PKD1L3: variants seen among roughly 807,000 people sequenced by gnomAD.
PKD1L3 encodes the protein polycystin 1 like 3, transient receptor potential channel interacting, also known as polycystin-1-like protein 3.
In PKD1L3, 239 loss-of-function variants were observed where a neutral mutation model predicts 184.1. That is an observed-to-expected ratio of 1.30 (90% CI 1.17 to 1.45). PKD1L3 has a LOEUF of 1.45. PKD1L3 is among the 40% of genes most tolerant of loss of function. The pLI is 0.00. For synonymous variants in PKD1L3, 996 were observed against 778.8 expected (o/e 1.28, Z -4.64); for missense variants, 2,660 against 2,067.2 (o/e 1.29, Z -5.56).
intron 24 of PKD1L3, 85 bp from the exon 25 acceptor site, chr16:71,937,504 C>G (rs755683133): frequency 7.1e-7 from 1 of 1,418,380 alleles, no homozygotes; most frequent in Non-Finnish European, 9.5e-7. Flanking sequence ...ATAACCCCAA[C>G]TCTTCCTGTA....
chr16:71,984,200 C>T (rs12443563), intron 5 of PKD1L3, 33 bp from the exon 6 acceptor site: 1,197,365 of 1,544,264 alleles, frequency 0.78, 466,402 homozygotes, highest in South Asian at 0.86. Flanking sequence ...CAAAATTACT[C>T]ATACAAAATT....
At chr16:71,929,773 A>G (rs2037859677) in intron 29 of PKD1L3, 95 bp from the exon 30 acceptor site, 1 of 1,214,520 alleles carries the variant, frequency 8.2e-7, no homozygotes, top group East Asian at 2.6e-5. Context: ...AAAAATTAGT[A>G]AATGTAAAGA....
chr16:71,936,519 CTTT>C (rs397785025), intron 25 of PKD1L3, among the ~76,000 whole-genome samples: 7 of 123,530 alleles, frequency 5.7e-5, no homozygotes, highest in South Asian at 2.5e-4. Context: ...TTTTTTTTTT[CTTT>C]TTTTTTTTTT....
At chr16:71,961,066 C>A (rs1344104906) in intron 16 of PKD1L3, among the ~76,000 whole-genome samples, 1 of 151,936 alleles carries the variant, frequency 6.6e-6, no homozygotes, top group Non-Finnish European at 1.5e-5. Context: ...GACAGGATCT[C>A]ATTTTTTTTT....
chr16:71,999,356 T>C (rs1197840021), intron 1 of PKD1L3, among the ~76,000 whole-genome samples: 1 of 152,046 alleles, frequency 6.6e-6, no homozygotes, highest in East Asian at 1.9e-4. Context: ...TTAGGAAACT[T>C]AGAGATCAGA....
chr16:71,950,671 A>G (rs577138621), intron 19 of PKD1L3, among the ~76,000 whole-genome samples: 2 of 152,154 alleles, frequency 1.3e-5, no homozygotes, highest in Non-Finnish European at 2.9e-5. Context: ...ACAAGTTTCA[A>G]CAGCCTTTGA....
chr16:71,952,646 G>A (rs12930744), intron 18 of PKD1L3, among the ~76,000 whole-genome samples: 109,229 of 150,842 alleles, frequency 0.72, 40,126 homozygotes, highest in East Asian at 0.97. Flanking sequence ...ACCAGCCTGG[G>A]TAACATGGTG....
In PKD1L3 at chr16:71,982,131, G is replaced by A. The variant is rs746557276; in HGVS notation, c.1071C>T (p.Pro357=). The change falls in exon 7 of 30, where the codon CCC becomes CCT. Residue 357 remains proline, a synonymous_variant. Coordinates refer to ENST00000620267, the MANE Select transcript of PKD1L3 (RefSeq NM_181536.2). ...LGFKVPPTVC[P]FHSLNNVTKA... is the part of the protein sequence containing the mutation. ...TGGTGACATTGTTGAGGGAATGAAA[G>A]GGGCAGACAGTTGGAGGAACTTTGA... 2 of 1,552,048 alleles carry A rather than the reference G, an allele frequency of 1.3e-6. No homozygotes were observed. Among genetic ancestry groups the A allele is most frequent in the Non-Finnish European group, 1.7e-6 (2 of 1,147,064 alleles).
At chr16:71,988,912 A>C (rs951921750) in intron 4 of PKD1L3, among the ~76,000 whole-genome samples, 1 of 152,232 alleles carries the variant, frequency 6.6e-6, no homozygotes, top group Non-Finnish European at 1.5e-5. Flanking sequence ...AGTCCTGTGC[A>C]GAATTCTCCA....
At chr16:71,971,682 G>A (rs1432968771) in intron 12 of PKD1L3, among the ~76,000 whole-genome samples, 1 of 152,176 alleles carries the variant, frequency 6.6e-6, no homozygotes, top group African/African-American at 2.4e-5. Flanking sequence ...TGTTAGAAAG[G>A]CCTGACCAGA....
chr16:71,998,632 G>C (rs2040870286), intron 1 of PKD1L3, among the ~76,000 whole-genome samples: 2 of 152,004 alleles, frequency 1.3e-5, no homozygotes, highest in Admixed American at 6.6e-5. Flanking sequence ...TGTATTTTTA[G>C]TAGAGATGGG....
At chr16:71,990,395 G>T in intron 3 of PKD1L3, 66 bp from the exon 4 acceptor site, 1 of 1,337,916 alleles carries the variant, frequency 7.5e-7, no homozygotes, top group Non-Finnish European at 1.0e-6. Context: ...CGTTTTACTT[G>T]AGGACTTCTT....
chr16:71,962,155 C>A (rs1340886048), intron 16 of PKD1L3, among the ~76,000 whole-genome samples: 1 of 151,964 alleles, frequency 6.6e-6, no homozygotes, highest in Non-Finnish European at 1.5e-5. Flanking sequence ...AACTCCTGGC[C>A]TCAAGTGATT....
In PKD1L3 at chr16:71,986,560, T is replaced by G. The variant is rs990950554; in HGVS notation, c.586-91A>C. 7 of 1,381,330 alleles carry G rather than the reference T, an allele frequency of 5.1e-6. No individual in the cohort carries two copies. The African/African-American group carries it at 7.3e-5, about 14-fold the overall frequency. 85.6% of individuals were successfully genotyped at this position (1,381,330 alleles called of 1,614,324 possible). A position where few individuals can be genotyped will look rare whatever the true frequency, so the allele number is the denominator to read the frequency against. On this transcript the variant is annotated intron_variant, in intron 4 of 29. Transcript: ENST00000620267. ...CATTTCCCCAAATACTCTGAAACTC[T>G]GTCCTATGAGATACTAATAGGCATT...
chr16:71,973,067 A>G (rs1420981660), intron 12 of PKD1L3, among the ~76,000 whole-genome samples: 2 of 152,210 alleles, frequency 1.3e-5, no homozygotes, highest in Non-Finnish European at 2.9e-5. Context: ...TATTTTATCC[A>G]CACTTGTCAG....
chr16:71,996,442 G>A (rs1567558921), intron 2 of PKD1L3, among the ~76,000 whole-genome samples: 1 of 151,498 alleles, frequency 6.6e-6, no homozygotes, highest in East Asian at 1.9e-4. Flanking sequence ...TGTATTTTTA[G>A]TAGAGACTGG....
At chr16:71,978,411 T>C (rs1280936700) in intron 9 of PKD1L3, 28 bp from the exon 10 acceptor site, 2 of 1,536,098 alleles carry the variant, frequency 1.3e-6, no homozygotes, top group Middle Eastern at 1.7e-4. Context: ...CCCAGTTTTA[T>C]CCATTGCTGA....
intron 12 of PKD1L3, among the ~76,000 whole-genome samples, chr16:71,972,062 C>G (rs1160797277): frequency 2.6e-5 from 4 of 151,852 alleles, no homozygotes; most frequent in African/African-American, 7.3e-5. Context: ...TAAACATACA[C>G]AAAATTAGCC....
intron 16 of PKD1L3, among the ~76,000 whole-genome samples, chr16:71,955,341 G>C (rs1479606814): frequency 6.6e-6 from 1 of 151,906 alleles, no homozygotes; most frequent in South Asian, 2.1e-4. Context: ...CAGCCCAAAA[G>C]AAATTAATTT....
Sources: gnomAD v4.1 joint callset for allele counts (sites outside exome capture counted in the v4.1 genomes callset) on GRCh38, gnomAD v4.1.1 for gene constraint, MANE v1.5 for transcripts, NCBI Gene and HGNC (gene_info 2026-07-23, HGNC 2026-07-21) for gene names.